The following AZIN1 variants were observed in gnomAD, a reference collection of about 807,000 sequenced individuals.
The protein encoded by AZIN1 is ornithine decarboxylase antizyme inhibitor.
AZIN1 carries 12 observed loss-of-function variants against 47.4 expected under a neutral mutation model. That is an observed-to-expected ratio of 0.25 (90% CI 0.16 to 0.41). AZIN1 has a LOEUF of 0.41. Ranked by LOEUF, AZIN1 falls within the 10% of genes least tolerant of loss-of-function variation. The pLI, the probability that AZIN1 is intolerant of heterozygous loss-of-function variation, is 1.00. For missense variants in AZIN1, 410 were observed against 532.4 expected (o/e 0.77, Z 2.26); for synonymous variants, 155 against 176.3 (o/e 0.88, Z 0.96).
chr8:102,840,593 A>G (rs977269745), intron 3 of AZIN1, among the ~76,000 whole-genome samples: 4 of 152,240 alleles, frequency 2.6e-5, no homozygotes, highest in African/African-American at 4.8e-5. Context: ...TAAGTCTACC[A>G]AATATCAGAT....
intron 3 of AZIN1, among the ~76,000 whole-genome samples, chr8:102,841,761 C>A (rs1812194221): frequency 8.1e-6 from 1 of 123,066 alleles, no homozygotes; most frequent in Non-Finnish European, 1.7e-5. Context: ...AAATTTCCTC[C>A]AATAAAGAAA....
chr8:102,861,517 C>T (rs1251232330), intron 1 of AZIN1, among the ~76,000 whole-genome samples: 1 of 151,766 alleles, frequency 6.6e-6, no homozygotes, highest in Non-Finnish European at 1.5e-5. Context: ...CCACCGCGCC[C>T]GGCCTAATAA....
rs183258812 is a variant in AZIN1 at position 102,844,948 on chromosome 8, G to A, written c.-95-1201C>T. On this transcript the variant is annotated intron_variant, in intron 2 of 11. Coordinates refer to ENST00000337198, the MANE Select transcript of AZIN1 (RefSeq NM_148174.4). ...TTTATCTTCTTTGTTGAACTTCACT[G>A]GTCCTTAGGTTACTTTAGGAAATAA... is the stretch of plus-strand genomic sequence containing the variant. Among the ~76,000 whole-genome samples the A allele has an allele frequency of 1.9e-3, 290 of 152,252 alleles. 3 individuals are homozygous for A. The highest frequency in any genetic ancestry group is 0.016 in the Admixed American group (242 of 15,292).
chr8:102,846,825 C>T (rs2131250328), intron 2 of AZIN1, among the ~76,000 whole-genome samples: 1 of 152,248 alleles, frequency 6.6e-6, no homozygotes, highest in South Asian at 2.1e-4. Context: ...CATATGATGT[C>T]CCTTTTGCAG....
chr8:102,844,201 A>G (rs1311757268), intron 2 of AZIN1, among the ~76,000 whole-genome samples: 1 of 152,228 alleles, frequency 6.6e-6, no homozygotes, highest in African/African-American at 2.4e-5. Flanking sequence ...AATTGCAGAT[A>G]AATGTCTTAT....
In AZIN1 at chr8:102,843,565, A is replaced by T. The variant is rs1812360020; in HGVS notation, c.88T>A (p.Tyr30Asn). The change falls in exon 3 of 12, where the codon TAT (tyrosine) becomes AAT (asparagine). Residue 30 changes from tyrosine to asparagine, a missense_variant. By Grantham distance (143) the Tyr-to-Asn change is moderately radical. Coordinates refer to ENST00000337198, the MANE Select transcript of AZIN1 (RefSeq NM_148174.4). ...NLGNVIDNYV[Y>N]EHTLTGKNAF... ...ATGGCACTTACCAGGGTATGTTCAT[A>T]AACATAGTTATCAATAACATTTCCA... 6.2e-7 allele frequency: 1 copy of T among 1,612,518 alleles called. No individual in the cohort carries two copies. Among genetic ancestry groups the T allele is most frequent in the African/African-American group, 1.3e-5 (1 of 74,906 alleles).
chr8:102,863,693 G>T, intron 1 of AZIN1, 114 bp downstream of exon 1: 1 of 151,178 alleles, frequency 6.6e-6, no homozygotes, highest in South Asian at 1.9e-4. Flanking sequence ...GGCCGGCCGC[G>T]GGGCGCTGCG....
intron 3 of AZIN1, among the ~76,000 whole-genome samples, chr8:102,842,396 C>G (rs1265674271): frequency 1.3e-5 from 2 of 151,504 alleles, no homozygotes; most frequent in African/African-American, 4.9e-5. Context: ...CATGGCAAAA[C>G]CCCATCTACT....
intron 9 of AZIN1, among the ~76,000 whole-genome samples, chr8:102,832,643 A>AT (rs34290831): frequency 0.025 from 3,720 of 146,934 alleles, 123 homozygotes; most frequent in African/African-American, 0.082. Context: ...TGGCTTTAAG[A>AT]TTTTTTTTTT....
At chr8:102,860,523 A>G (rs1417694446) in intron 1 of AZIN1, among the ~76,000 whole-genome samples, 1 of 152,070 alleles carries the variant, frequency 6.6e-6, no homozygotes, top group African/African-American at 2.4e-5. Flanking sequence ...TCGACCTCCC[A>G]AAGTGCTGGG....
intron 9 of AZIN1, 139 bp downstream of exon 9, chr8:102,832,917 G>A (rs1181508629): frequency 1.4e-6 from 1 of 704,850 alleles, no homozygotes; most frequent in African/African-American, 1.8e-5. Flanking sequence ...TGGGATTATA[G>A]GCGTGAGCCA....
chr8:102,839,021 ACT>A, intron 4 of AZIN1, 105 bp from the exon 5 acceptor site: 1 of 1,009,796 alleles, frequency 9.9e-7, no homozygotes, highest in Non-Finnish European at 1.4e-6. Context: ...CCAGGGTCTC[ACT>A]CTTTGTATTC....
intron 2 of AZIN1, among the ~76,000 whole-genome samples, chr8:102,852,853 C>CA (rs1813004789): frequency 6.6e-6 from 1 of 152,162 alleles, no homozygotes; most frequent in African/African-American, 2.4e-5. Flanking sequence ...GGAGGAAGGA[C>CA]AAAATATCTG....
At chr8:102,842,113 A>G (rs1812235135) in intron 3 of AZIN1, among the ~76,000 whole-genome samples, 1 of 151,736 alleles carries the variant, frequency 6.6e-6, no homozygotes, top group Admixed American at 6.6e-5. Flanking sequence ...CTTCGTCTCA[A>G]AGAGAAAAAA....
intron 1 of AZIN1, among the ~76,000 whole-genome samples, chr8:102,862,003 T>C (rs969084798): frequency 1.3e-5 from 2 of 151,456 alleles, no homozygotes; most frequent in African/African-American, 4.9e-5. Context: ...GCCACTGCAC[T>C]CCAGCCTGGG....
At chr8:102,832,602 T>A (rs905387090) in intron 9 of AZIN1, among the ~76,000 whole-genome samples, 1 of 152,044 alleles carries the variant, frequency 6.6e-6, no homozygotes, top group African/African-American at 2.4e-5. Flanking sequence ...ACCAAGAAAG[T>A]TGGATTTGGA....
chr8:102,850,134 T>C (rs1013040416), intron 2 of AZIN1: 4 of 152,168 alleles, frequency 2.6e-5, no homozygotes, highest in Non-Finnish European at 4.4e-5. Flanking sequence ...ATTTCTGAAG[T>C]GAAGACCTCC....
intron 2 of AZIN1, among the ~76,000 whole-genome samples, chr8:102,846,523 A>T: frequency 6.6e-6 from 1 of 152,194 alleles, no homozygotes; most frequent in Non-Finnish European, 1.5e-5. Flanking sequence ...CTCCATTGAT[A>T]TACTGAGGAA....
At chr8:102,857,288 A>C (rs997237510) in intron 2 of AZIN1, among the ~76,000 whole-genome samples, 2 of 152,216 alleles carry the variant, frequency 1.3e-5, no homozygotes, top group African/African-American at 4.8e-5. Context: ...TGATACCCTC[A>C]GCTTTCCTGA....
Sources: gnomAD v4.1 joint callset for allele counts (sites outside exome capture counted in the v4.1 genomes callset) on GRCh38, gnomAD v4.1.1 for gene constraint, MANE v1.5 for transcripts, NCBI Gene and HGNC (gene_info 2026-07-23, HGNC 2026-07-21) for gene names.